GLI2: variants seen among roughly 807,000 people sequenced by gnomAD.
GLI2 encodes the protein GLI family zinc finger 2.
In GLI2, 22 loss-of-function variants were observed where a neutral mutation model predicts 78.9. That is an observed-to-expected ratio of 0.28 (90% CI 0.20 to 0.40). The LOEUF is 0.40. Among genes scored for constraint, GLI2 ranks in the 10% least tolerant of loss-of-function variants. The probability of loss-of-function intolerance (pLI) is 1.00; values close to 1 mark genes in which losing one functional copy is unlikely to be tolerated. For missense variants in GLI2, 2,097 were observed against 2,213.2 expected (o/e 0.95, Z 1.05); for synonymous variants, 974 against 963.7 (o/e 1.01, Z -0.20).
chr2:120,832,365 T>G (rs556478205), intron 2 of GLI2, among the ~76,000 whole-genome samples: 2 of 152,094 alleles, frequency 1.3e-5, no homozygotes, highest in South Asian at 4.1e-4. Context: ...CTAGGAAGGG[T>G]TGCAGAGGCT....
chr2:120,984,640 C>T lies in GLI2; in HGVS notation c.1802C>T (p.Ala601Val), dbSNP rs763082072. 1.2e-6 allele frequency: 2 copies of T among 1,614,046 alleles called. No homozygotes were observed. The highest frequency in any genetic ancestry group is 2.2e-5 in the East Asian group (1 of 44,896). ...CTCAAAGAGAATGGGGACAGTGAGG[C>T]CGGCACGGAGCCTGGCGGCCCAGAG... ...PLLKENGDSEAGTEPGGPEST... is the reference protein window; with the variant it reads ...PLLKENGDSEVGTEPGGPEST... The change falls in exon 12 of 14, where the codon GCC (alanine) becomes GTC (valine). Residue 601 changes from alanine to valine, a missense_variant. Ala to Val is a moderately conservative substitution (Grantham distance 64). Transcript: ENST00000361492.
chr2:120,846,615 C>T (rs559277165), intron 2 of GLI2, among the ~76,000 whole-genome samples: 1 of 152,342 alleles, frequency 6.6e-6, no homozygotes, highest in African/African-American at 2.4e-5. Flanking sequence ...TTCCAGGCCA[C>T]TCAGGTGTAC....
chr2:120,889,443 T>C (rs956192175), intron 2 of GLI2, among the ~76,000 whole-genome samples: 1 of 152,198 alleles, frequency 6.6e-6, no homozygotes, highest in Non-Finnish European at 1.5e-5. Context: ...ACTCTTAGAC[T>C]TGATACCATA....
chr2:120,832,757 GTCACGTCAC>G (rs1028220317), intron 2 of GLI2, among the ~76,000 whole-genome samples: 2 of 152,172 alleles, frequency 1.3e-5, no homozygotes, highest in Non-Finnish European at 2.9e-5. Flanking sequence ...TGATGGGCAG[GTCACGTCAC>G]TCCCTGAGCC....
intron 2 of GLI2, among the ~76,000 whole-genome samples, chr2:120,870,248 T>C (rs1454404186): frequency 6.6e-6 from 1 of 152,112 alleles, no homozygotes; most frequent in East Asian, 1.9e-4. Flanking sequence ...GAGGTGATAG[T>C]TGATGCTGGA....
chr2:120,901,788 A>T (rs1321318604), intron 2 of GLI2, among the ~76,000 whole-genome samples: 1 of 152,206 alleles, frequency 6.6e-6, no homozygotes, highest in Non-Finnish European at 1.5e-5. Flanking sequence ...AGTGCTGTTT[A>T]CCACTTAGAT....
chr2:120,790,084 T>G (rs1684103867), intron 1 of GLI2, among the ~76,000 whole-genome samples: 1 of 152,244 alleles, frequency 6.6e-6, no homozygotes, highest in Admixed American at 6.5e-5. Context: ...CTTCTTCCTC[T>G]GAGTCAACAT....
chr2:120,798,805 C>T (rs532942988), intron 2 of GLI2, among the ~76,000 whole-genome samples: 2 of 152,294 alleles, frequency 1.3e-5, no homozygotes, highest in African/African-American at 4.8e-5. Flanking sequence ...TGGGGCCACA[C>T]ATGGTCTTTT....
chr2:120,976,132 C>G (rs1009148851), intron 9 of GLI2, among the ~76,000 whole-genome samples: 1 of 152,126 alleles, frequency 6.6e-6, no homozygotes, highest in African/African-American at 2.4e-5. Context: ...AAAGATGAAC[C>G]CACTAAATTA....
intron 2 of GLI2, among the ~76,000 whole-genome samples, chr2:120,861,667 T>C (rs1327001930): frequency 1.3e-5 from 2 of 152,324 alleles, no homozygotes; most frequent in Admixed American, 1.3e-4. Context: ...TTCTCCCAGC[T>C]CGCTGACCCT....
At chr2:120,849,636 C>T (rs1687307520) in intron 2 of GLI2, among the ~76,000 whole-genome samples, 2 of 152,264 alleles carry the variant, frequency 1.3e-5, no homozygotes, top group Admixed American at 6.5e-5. Context: ...ACAAGCCCCA[C>T]TCATCTATGC....
chr2:120,886,321 G>A (rs1367850208), intron 2 of GLI2, among the ~76,000 whole-genome samples: 2 of 151,968 alleles, frequency 1.3e-5, no homozygotes, highest in Non-Finnish European at 2.9e-5. Context: ...CTGGAGTGCA[G>A]TGTCATTGAT....
chr2:120,808,096 C>T lies in GLI2; in HGVS notation c.148+10628C>T, dbSNP rs181141429. 3.8e-4 allele frequency among the ~76,000 whole-genome samples: 58 copies of T among 152,332 alleles called. 1 individual carries two copies. The East Asian group carries it at 6.8e-3, about 18-fold the overall frequency. ...CCTCTGGGCAGAGCAGGGCCTCATCCGCCGTCTGACTTTCCATCTCGTTTT... is the reference window on the plus strand; with the variant it reads ...CCTCTGGGCAGAGCAGGGCCTCATCTGCCGTCTGACTTTCCATCTCGTTTT... On this transcript the variant is annotated intron_variant, in intron 2 of 13. Coordinates refer to ENST00000361492, the MANE Select transcript of GLI2 (RefSeq NM_001374353.1).
chr2:120,774,312 G>A (rs968741885), intron 1 of GLI2, among the ~76,000 whole-genome samples: 2 of 152,050 alleles, frequency 1.3e-5, no homozygotes, highest in Non-Finnish European at 2.9e-5. Context: ...GATGTAATTC[G>A]CGTACCATAA....
intron 10 of GLI2, among the ~76,000 whole-genome samples, chr2:120,982,290 T>G (rs1247107046): frequency 6.6e-6 from 1 of 152,188 alleles, no homozygotes; most frequent in East Asian, 1.9e-4. Context: ...CTCAGCATGT[T>G]TTAGAGCACA....
chr2:120,878,880 A>G (rs1213250177), intron 2 of GLI2, among the ~76,000 whole-genome samples: 2 of 151,490 alleles, frequency 1.3e-5, no homozygotes, highest in African/African-American at 4.9e-5. Flanking sequence ...GTGAACCGAG[A>G]TCACACCACT....
chr2:120,760,747 GC>G (rs1042056384), intron 1 of GLI2, among the ~76,000 whole-genome samples: 73 of 152,252 alleles, frequency 4.8e-4, no homozygotes, highest in African/African-American at 1.7e-3. Flanking sequence ...TTTTTCTCAT[GC>G]CCCTAAGTTC....
intron 3 of GLI2, among the ~76,000 whole-genome samples, chr2:120,936,383 AC>A (rs1261603639): frequency 6.6e-6 from 1 of 152,030 alleles, no homozygotes; most frequent in Non-Finnish European, 1.5e-5. Flanking sequence ...CACTGCAGAC[AC>A]CCTGCAGGGT....
chr2:120,918,638 G>A (rs191854984), intron 2 of GLI2, among the ~76,000 whole-genome samples: 16 of 151,896 alleles, frequency 1.1e-4, no homozygotes, highest in Non-Finnish European at 2.2e-4. Flanking sequence ...ATGGGGTTTC[G>A]CCATGTTGGC....
Sources: allele counts gnomAD v4.1 joint callset (sites outside exome capture counted in the v4.1 genomes callset), GRCh38; gene constraint gnomAD v4.1.1; transcripts MANE v1.5; gene names NCBI Gene and HGNC (gene_info 2026-07-23, HGNC 2026-07-21).